The following KAT2B variants were observed in gnomAD, a reference collection of about 807,000 sequenced individuals.
KAT2B encodes lysine acetyltransferase 2B, also known as histone acetyltransferase KAT2B.
In KAT2B, 36 loss-of-function variants were observed where a neutral mutation model predicts 105.9. That is an observed-to-expected ratio of 0.34 (90% CI 0.26 to 0.45). The LOEUF is 0.45. KAT2B is among the 20% of genes least tolerant of loss of function. The pLI, the probability that KAT2B is intolerant of heterozygous loss-of-function variation, is 1.00. For missense variants in KAT2B, 820 were observed against 1,021.6 expected (o/e 0.80, Z 2.69); for synonymous variants, 397 against 377.9 (o/e 1.05, Z -0.59).
Position 20,152,714 on chromosome 3 carries a change from A to T in KAT2B, c.*189A>T, listed in dbSNP as rs1699890691. On this transcript the variant is annotated 3_prime_UTR_variant, in exon 18 of 18. Coordinates refer to ENST00000263754, the MANE Select transcript of KAT2B (RefSeq NM_003884.5). ...TGTATTTAAATTGAAGTCATAGGAC[A>T]TTTTTATTTTATGGAATAGATTTTA... The T allele has an allele frequency of 6.6e-6, 3 of 456,582 alleles. No individual in the cohort carries two copies. The highest frequency in any genetic ancestry group is 1.2e-5 in the Non-Finnish European group (3 of 254,856). 28.3% of individuals were successfully genotyped at this position (456,582 alleles called of 1,614,324 possible). A position where few individuals can be genotyped will look rare whatever the true frequency, so the allele number is the denominator to read the frequency against.
chr3:20,125,353 G>A (rs1021075857), intron 9 of KAT2B, among the ~76,000 whole-genome samples: 3 of 151,886 alleles, frequency 2.0e-5, no homozygotes, highest in Non-Finnish European at 4.4e-5. Context: ...CTACTATTGG[G>A]CCTGTAATGA....
intron 13 of KAT2B, among the ~76,000 whole-genome samples, chr3:20,141,283 T>C (rs1009373640): frequency 6.8e-6 from 1 of 146,858 alleles, no homozygotes; most frequent in African/African-American, 2.4e-5. Flanking sequence ...AGGTGACTTT[T>C]TTTATGCATA....
At chr3:20,095,911 G>A (rs1358472874) in intron 3 of KAT2B, among the ~76,000 whole-genome samples, 4 of 152,188 alleles carry the variant, frequency 2.6e-5, no homozygotes, top group African/African-American at 9.6e-5. Context: ...AGCGAGGAAG[G>A]TCAGTTAGGA....
intron 17 of KAT2B, chr3:20,148,977 C>T (rs537957113): frequency 6.4e-6 from 1 of 156,548 alleles, no homozygotes; most frequent in Non-Finnish European, 1.4e-5. Context: ...CTTGATTTTC[C>T]ATGCCCTTGA....
chr3:20,085,986 T>A (rs1457382130), intron 2 of KAT2B, among the ~76,000 whole-genome samples: 1 of 152,142 alleles, frequency 6.6e-6, no homozygotes, highest in Non-Finnish European at 1.5e-5. Flanking sequence ...AAATGCTGTT[T>A]TGAGCTGGGC....
Position 20,140,088 on chromosome 3 carries a change from C to A in KAT2B, c.1861-133C>A, listed in dbSNP as rs557269219. The A allele has an allele frequency of 7.2e-5, 40 of 558,800 alleles. 1 individual carries two copies. The highest frequency in any genetic ancestry group is 4.9e-4 in the Middle Eastern group (1 of 2,042). The allele number at this position is 558,800 out of a possible 1,614,324, so 34.6% of individuals were successfully genotyped here. A position where few individuals can be genotyped will look rare whatever the true frequency, so the allele number is the denominator to read the frequency against. On this transcript the variant is annotated intron_variant, in intron 12 of 17. Coordinates refer to ENST00000263754, the MANE Select transcript of KAT2B (RefSeq NM_003884.5). ...ACTTCATGGGTGGTTTTAAGCTAAT[C>A]CTCTTCAGAATAGTACAATGAGAAC...
chr3:20,063,271 T>A (rs1452061486), intron 1 of KAT2B, among the ~76,000 whole-genome samples: 1 of 151,960 alleles, frequency 6.6e-6, no homozygotes, highest in Non-Finnish European at 1.5e-5. Flanking sequence ...TCTTGTTTGT[T>A]GCTCAGGCTG....
At chr3:20,073,794 A>G (rs2125182215) in intron 2 of KAT2B, among the ~76,000 whole-genome samples, 1 of 152,382 alleles carries the variant, frequency 6.6e-6, no homozygotes, top group African/African-American at 2.4e-5. Flanking sequence ...GGATTGCCTC[A>G]GGAAATGTGA....
intron 12 of KAT2B, among the ~76,000 whole-genome samples, chr3:20,138,210 T>C (rs1040124679): frequency 6.6e-6 from 1 of 152,206 alleles, no homozygotes; most frequent in Non-Finnish European, 1.5e-5. Flanking sequence ...TTTTTTATTT[T>C]AAAATTTTTT....
Position 20,130,258 on chromosome 3 carries a change from C to T in KAT2B, c.1749+2709C>T, listed in dbSNP as rs58218798. Reference sequence around the variant, plus strand: ...GGGCAAATGCAATTCAGCAGTCTTACATTCATCATTCTGACTGGGGAAGGT... The same window carrying T: ...GGGCAAATGCAATTCAGCAGTCTTATATTCATCATTCTGACTGGGGAAGGT... On this transcript the variant is annotated intron_variant, in intron 11 of 17. Coordinates refer to ENST00000263754, the MANE Select transcript of KAT2B (RefSeq NM_003884.5). Among the ~76,000 whole-genome samples the T allele has an allele frequency of 0.024, 3,643 of 152,332 alleles. 368 individuals carry two copies. The South Asian group carries it at 0.3, about 13-fold the overall frequency.
chr3:20,147,261 T>A (rs1339123212), intron 14 of KAT2B, among the ~76,000 whole-genome samples: 1 of 152,162 alleles, frequency 6.6e-6, no homozygotes, highest in Non-Finnish European at 1.5e-5. Flanking sequence ...TTATGCTAAA[T>A]CCAGAAATTC....
At chr3:20,121,501 A>G (rs1342610396) in intron 8 of KAT2B, among the ~76,000 whole-genome samples, 2 of 152,206 alleles carry the variant, frequency 1.3e-5, no homozygotes, top group Admixed American at 6.5e-5. Context: ...CTGCCTTTGC[A>G]TGGCTCTCCT....
intron 1 of KAT2B, among the ~76,000 whole-genome samples, chr3:20,065,970 CAAAT>C (rs1178243249): frequency 6.6e-6 from 1 of 152,044 alleles, no homozygotes; most frequent in Non-Finnish European, 1.5e-5. Flanking sequence ...CCTGTCATAA[CAAAT>C]AACCACAAAA....
At position 20,152,539 on chromosome 3, in the gene KAT2B, C is replaced by T. The variant is rs1301711581; in HGVS notation, c.*14C>T. 7.5e-6 allele frequency: 12 copies of T among 1,605,754 alleles called. No individual in the cohort carries two copies. Among genetic ancestry groups the T allele is most frequent in the Middle Eastern group, 3.3e-4 (2 of 6,056 alleles). Reference sequence around the variant, plus strand: ...ATTGACAAGTGATTTTTTTTCCCCTCTGCTTCTTAGAAACTCACCAAGCAG... The same window carrying T: ...ATTGACAAGTGATTTTTTTTCCCCTTTGCTTCTTAGAAACTCACCAAGCAG... On this transcript the variant is annotated 3_prime_UTR_variant, in exon 18 of 18. Coordinates refer to ENST00000263754, the MANE Select transcript of KAT2B (RefSeq NM_003884.5).
At chr3:20,062,464 T>TTA (rs376524638) in intron 1 of KAT2B, among the ~76,000 whole-genome samples, 27,341 of 126,196 alleles carry the variant, frequency 0.22, 3,120 homozygotes, top group East Asian at 0.44. Flanking sequence ...ATATTTTATT[T>TTA]TATATATATA....
At chr3:20,065,770 C>G (rs977674663) in intron 1 of KAT2B, among the ~76,000 whole-genome samples, 5 of 152,058 alleles carry the variant, frequency 3.3e-5, no homozygotes, top group African/African-American at 9.7e-5. Flanking sequence ...TAGGGTATAA[C>G]TTTAAAGAGT....
chr3:20,099,297 C>G (rs937882444), intron 3 of KAT2B, among the ~76,000 whole-genome samples: 20 of 152,200 alleles, frequency 1.3e-4, no homozygotes, highest in South Asian at 4.1e-4. Flanking sequence ...ATTTAGAGCT[C>G]TGCAGACTTT....
In KAT2B at chr3:20,146,423, T is replaced by C; in HGVS notation, c.2112T>C (p.Pro704=). 6.3e-7 allele frequency: 1 copy of C among 1,593,580 alleles called. No homozygotes were observed. Among genetic ancestry groups the C allele is most frequent in the Non-Finnish European group, 8.6e-7 (1 of 1,161,486 alleles). Residue 704 remains proline (P), a synonymous_variant, in exon 14 of 18, where the codon CCT becomes CCC. Transcript: ENST00000263754. Reference sequence around the variant, plus strand: ...GACAGATTCCTATAGAAAGCATTCCTGGAATTAGTACGTATAGACCTTCTT... The same window carrying C: ...GACAGATTCCTATAGAAAGCATTCCCGGAATTAGTACGTATAGACCTTCTT... ...GVRQIPIESI[P]GIRETGWKPS...
rs182740822 is a variant in KAT2B, at chr3:20,148,011, G to A, written c.2156+12G>A. 1,384 of 1,612,786 alleles carry A rather than the reference G, an allele frequency of 8.6e-4. No individual in the cohort carries two copies. Among genetic ancestry groups the A allele is most frequent in the Non-Finnish European group, 1.1e-3 (1,241 of 1,179,166 alleles). ...GGAAAAGAGAAAAGGTAAGTATGAC[G>A]GGCAAGAGGATGTTAATGGAAGTGA... On this transcript the variant is annotated intron_variant, in intron 15 of 17. Coordinates refer to ENST00000263754, the MANE Select transcript of KAT2B (RefSeq NM_003884.5).
Sources: gnomAD v4.1 joint callset for allele counts (sites outside exome capture counted in the v4.1 genomes callset) on GRCh38, gnomAD v4.1.1 for gene constraint, MANE v1.5 for transcripts, NCBI Gene and HGNC (gene_info 2026-07-23, HGNC 2026-07-21) for gene names.